RICTOR: variants seen among roughly 807,000 people sequenced by gnomAD.
The protein encoded by RICTOR is rapamycin-insensitive companion of mTOR.
In RICTOR, 49 loss-of-function variants were observed where a neutral mutation model predicts 214.9. The observed-to-expected ratio is 0.23, with a 90% CI of 0.18 to 0.29. The LOEUF (loss-of-function observed/expected upper bound fraction) is 0.29. RICTOR is among the 10% of genes least tolerant of loss of function. The pLI, the probability that RICTOR is intolerant of heterozygous loss-of-function variation, is 1.00. For synonymous variants in RICTOR, 717 were observed against 711.3 expected, an observed-to-expected ratio of 1.01 and a Z score of -0.13; for missense variants, 1,625 against 2,047.0, an observed-to-expected ratio of 0.79 and a Z score of 3.98.
Position 38,967,235 on chromosome 5 carries a change from A to C in RICTOR, c.1152-8T>G. On this transcript the variant is annotated splice_polypyrimidine_tract_variant and splice_region_variant and intron_variant, in intron 13 of 37. Coordinates refer to ENST00000357387, the MANE Select transcript of RICTOR (RefSeq NM_152756.5). ...TTATCCATGAGGTCTGGCCTGGAAA[A>C]AACAGCACAGAAACAATTTAAATAA... The C allele has an allele frequency of 6.2e-7, 1 of 1,611,744 alleles. No homozygotes were observed. The highest frequency in any genetic ancestry group is 1.7e-5 in the Admixed American group (1 of 60,016).
At chr5:38,990,638 A>C (rs1335659854) in intron 7 of RICTOR, among the ~76,000 whole-genome samples, 2 of 137,576 alleles carry the variant, frequency 1.5e-5, no homozygotes, top group African/African-American at 5.5e-5. Flanking sequence ...TATATATCTG[A>C]CATATATCAG....
intron 2 of RICTOR, among the ~76,000 whole-genome samples, chr5:39,046,060 T>TAAATAAATAAATA (rs1554010855): frequency 6.6e-6 from 1 of 151,012 alleles, no homozygotes; most frequent in Non-Finnish European, 1.5e-5. Context: ...AATAAATAAA[T>TAAATAAATAAATA]AAATGCTGGC....
chr5:39,053,603 A>C (rs1580200309), intron 2 of RICTOR, among the ~76,000 whole-genome samples: 1 of 152,322 alleles, frequency 6.6e-6, no homozygotes, highest in African/African-American at 2.4e-5. Flanking sequence ...TTAGAAAGCA[A>C]GAATAAGGGT....
chr5:39,035,404 T>A (rs1756603684), intron 2 of RICTOR, among the ~76,000 whole-genome samples: 1 of 152,022 alleles, frequency 6.6e-6, no homozygotes, highest in African/African-American at 2.4e-5. Context: ...AAATTCTAAA[T>A]ATCAGAGCAC....
intron 2 of RICTOR, among the ~76,000 whole-genome samples, chr5:39,061,655 T>C (rs912645702): frequency 6.6e-6 from 1 of 151,978 alleles, no homozygotes; most frequent in Non-Finnish European, 1.5e-5. Context: ...ATTATTGATG[T>C]ATGCAAAGAA....
intron 31 of RICTOR, among the ~76,000 whole-genome samples, chr5:38,948,711 G>A (rs1280900263): frequency 1.3e-5 from 2 of 152,052 alleles, no homozygotes; most frequent in African/African-American, 4.8e-5. Context: ...CCCTGGCTTT[G>A]TCCTGGACAA....
At chr5:38,952,553 GAAA>G (rs10707065) in intron 29 of RICTOR, 128 bp from the exon 30 acceptor site, 7 of 403,402 alleles carry the variant, frequency 1.7e-5, no homozygotes, top group Non-Finnish European at 2.7e-5. Flanking sequence ...TGCGTTTGTG[GAAA>G]AAAAAAAACT....
chr5:39,003,761 G>A (rs1753822497), intron 3 of RICTOR, 139 bp from the exon 4 acceptor site: 1 of 493,936 alleles, frequency 2.0e-6, no homozygotes, highest in East Asian at 3.3e-5. Flanking sequence ...GTTCAAATCA[G>A]CAGCTTTATT....
At chr5:39,025,390 C>T (rs950428500) in intron 2 of RICTOR, among the ~76,000 whole-genome samples, 2 of 152,194 alleles carry the variant, frequency 1.3e-5, no homozygotes, top group Non-Finnish European at 2.9e-5. Context: ...AGACCAGGGA[C>T]TGAAAAACAT....
At chr5:39,018,403 T>C (rs1360726636) in intron 3 of RICTOR, among the ~76,000 whole-genome samples, 6 of 152,182 alleles carry the variant, frequency 3.9e-5, no homozygotes, top group East Asian at 3.8e-4. Flanking sequence ...CTTCATTTTA[T>C]TGAGCTTCAC....
intron 2 of RICTOR, among the ~76,000 whole-genome samples, chr5:39,026,041 A>G (rs565917374): frequency 1.3e-5 from 2 of 152,156 alleles, no homozygotes; most frequent in African/African-American, 4.8e-5. Flanking sequence ...ACCTGTCTCT[A>G]TTTCTTCCTA....
At chr5:39,011,512 G>A (rs745370365) in intron 3 of RICTOR, among the ~76,000 whole-genome samples, 5 of 152,102 alleles carry the variant, frequency 3.3e-5, no homozygotes, top group Non-Finnish European at 7.4e-5. Context: ...GAGATCCACC[G>A]ACAGCTTGCA....
intron 35 of RICTOR, 68 bp from the exon 36 acceptor site, chr5:38,944,637 T>C (rs1747971148): frequency 7.3e-7 from 1 of 1,375,510 alleles, no homozygotes. Context: ...ACTCATGAAA[T>C]TTATTTTTAA....
At chr5:39,028,373 G>A (rs914168353) in intron 2 of RICTOR, among the ~76,000 whole-genome samples, 27 of 151,548 alleles carry the variant, frequency 1.8e-4, no homozygotes, top group East Asian at 7.8e-4. Context: ...TAGTAGAGAC[G>A]GGGTTTCACC....
At chr5:39,052,434 C>T (rs1029007347) in intron 2 of RICTOR, among the ~76,000 whole-genome samples, 3 of 152,078 alleles carry the variant, frequency 2.0e-5, no homozygotes, top group Admixed American at 6.6e-5. Context: ...ATCGTGTCTA[C>T]AAATACTTAT....
At chr5:38,972,686 A>G (rs1179254374) in intron 10 of RICTOR, among the ~76,000 whole-genome samples, 2 of 152,142 alleles carry the variant, frequency 1.3e-5, no homozygotes, top group South Asian at 2.1e-4. Flanking sequence ...GTATTTTGGG[A>G]AAAAGTCTGG....
chr5:39,032,470 C>A (rs1756345276), intron 2 of RICTOR, among the ~76,000 whole-genome samples: 1 of 152,112 alleles, frequency 6.6e-6, no homozygotes, highest in Admixed American at 6.5e-5. Context: ...AAAAACTGAA[C>A]ATGGACTTCA....
chr5:39,029,155 G>GGAAGTAGTGGATAATTATT (rs1363979887), intron 2 of RICTOR, among the ~76,000 whole-genome samples: 2 of 152,030 alleles, frequency 1.3e-5, no homozygotes, highest in Non-Finnish European at 2.9e-5. Flanking sequence ...TATCTTGTTT[G>GGAAGTAGTGGATAATTATT]GAAGTAGTGG....
chr5:39,044,725 T>C (rs536764000), intron 2 of RICTOR, among the ~76,000 whole-genome samples: 8 of 152,198 alleles, frequency 5.3e-5, no homozygotes, highest in Non-Finnish European at 7.4e-5. Context: ...TACAAAACTT[T>C]TAACATGGCA....
Sources: allele counts gnomAD v4.1 joint callset (sites outside exome capture counted in the v4.1 genomes callset), GRCh38; gene constraint gnomAD v4.1.1; transcripts MANE v1.5; gene names NCBI Gene and HGNC (gene_info 2026-07-23, HGNC 2026-07-21).